The following EBF1 variants were observed in gnomAD, a reference collection of about 807,000 sequenced individuals.
The protein encoded by EBF1 is EBF transcription factor 1, also known as transcription factor COE1.
In EBF1, 10 loss-of-function variants were observed where a neutral mutation model predicts 68.4. The observed-to-expected ratio is 0.15, with a 90% CI of 0.09 to 0.25. The LOEUF (loss-of-function observed/expected upper bound fraction) is 0.25. Among genes scored for constraint, EBF1 ranks in the 10% least tolerant of loss-of-function variants. The pLI, the probability that EBF1 is intolerant of heterozygous loss-of-function variation, is 1.00. For synonymous variants in EBF1, 298 were observed against 299.8 expected, an observed-to-expected ratio of 0.99 and a Z score of 0.06; for missense variants, 509 against 794.4, an observed-to-expected ratio of 0.64 and a Z score of 4.32.
intron 4 of EBF1, among the ~76,000 whole-genome samples, chr5:159,087,302 A>G: frequency 7.0e-6 from 1 of 143,606 alleles, no homozygotes; most frequent in South Asian, 2.2e-4. Flanking sequence ...ACATATATAT[A>G]TACACACACA....
intron 6 of EBF1, among the ~76,000 whole-genome samples, chr5:158,965,140 A>G (rs1170018708): frequency 6.6e-6 from 1 of 152,162 alleles, no homozygotes; most frequent in Non-Finnish European, 1.5e-5. Flanking sequence ...TTGCCTGGGA[A>G]TAAGGGAGAT....
chr5:159,099,380 G>T lies in EBF1; in HGVS notation c.99C>A (p.Gly33=). Residue 33 remains glycine, a synonymous_variant, in exon 1 of 16, where the codon GGC becomes GGA. Coordinates refer to ENST00000313708, the MANE Select transcript of EBF1 (RefSeq NM_024007.5). ...CCGTGTTGGCGTCCAGCACCCCGGC[G>T]CCCTGCATCCACGTCCGCACCGCGT... is the stretch of plus-strand genomic sequence containing the variant. ...GMNAVRTWMQ[G]AGVLDANTAA... The T allele has an allele frequency of 6.3e-7, 1 of 1,596,786 alleles. No individual in the cohort carries two copies.
intron 8 of EBF1, among the ~76,000 whole-genome samples, chr5:158,806,667 T>C (rs1367528124): frequency 6.6e-6 from 1 of 152,204 alleles, no homozygotes; most frequent in Non-Finnish European, 1.5e-5. Context: ...CTTATTGCTA[T>C]GAATGTGCAC....
At chr5:159,065,726 T>C (rs925393744) in intron 6 of EBF1, among the ~76,000 whole-genome samples, 1 of 152,108 alleles carries the variant, frequency 6.6e-6, no homozygotes, top group Non-Finnish European at 1.5e-5. Flanking sequence ...ATATGTATAA[T>C]AGTGACAGTG....
chr5:158,956,903 C>T (rs966874234), intron 6 of EBF1, among the ~76,000 whole-genome samples: 15 of 152,052 alleles, frequency 9.9e-5, no homozygotes, highest in Non-Finnish European at 1.6e-4. Context: ...GGACTACAGG[C>T]GCCTGCCACC....
At chr5:158,790,171 T>C (rs1457989321) in intron 9 of EBF1, among the ~76,000 whole-genome samples, 1 of 152,210 alleles carries the variant, frequency 6.6e-6, no homozygotes, top group African/African-American at 2.4e-5. Context: ...AACTTTGGCT[T>C]CATCCATCTG....
chr5:158,696,893 CTTTG>C lies in EBF1; in HGVS notation c.*2214_*2217del, dbSNP rs745613907. The C allele has an allele frequency of 5.2e-4, 99 of 190,254 alleles. No homozygotes were observed. Among genetic ancestry groups the C allele is most frequent in the Non-Finnish European group, 7.9e-4 (73 of 92,048 alleles). 11.8% of individuals were successfully genotyped at this position (190,254 alleles called of 1,614,324 possible). On this transcript the variant is annotated 3_prime_UTR_variant, in exon 16 of 16. Transcript: ENST00000313708. Reference sequence around the variant, plus strand: ...ACAGTTCTTTTGTGCTTTTCGATTTCTTTGTTTTTTTTTTTTTCTTTTTTTCTTT... The same window carrying C: ...ACAGTTCTTTTGTGCTTTTCGATTTCTTTTTTTTTTTTTCTTTTTTTCTTT...
At chr5:159,078,305 A>G (rs909330923) in intron 5 of EBF1, among the ~76,000 whole-genome samples, 12 of 152,216 alleles carry the variant, frequency 7.9e-5, no homozygotes, top group Non-Finnish European at 1.2e-4. Flanking sequence ...CACTATACAC[A>G]GGAGGAAACC....
chr5:159,075,239 G>A (rs1039511977), intron 5 of EBF1, among the ~76,000 whole-genome samples: 2 of 152,060 alleles, frequency 1.3e-5, no homozygotes, highest in Non-Finnish European at 2.9e-5. Context: ...TTCATGACTA[G>A]CCTCACTAAA....
At chr5:158,909,913 C>T (rs564312027) in intron 6 of EBF1, among the ~76,000 whole-genome samples, 7 of 133,382 alleles carry the variant, frequency 5.2e-5, no homozygotes, top group African/African-American at 8.5e-5. Context: ...GCCGAGATTG[C>T]ACCACTGCAC....
intron 6 of EBF1, among the ~76,000 whole-genome samples, chr5:158,975,648 T>A (rs930072870): frequency 2.6e-5 from 4 of 152,114 alleles, no homozygotes; most frequent in Non-Finnish European, 4.4e-5. Context: ...TGAAGCAAAA[T>A]GTCACAAGCA....
chr5:158,928,715 C>T (rs1365160453), intron 6 of EBF1, among the ~76,000 whole-genome samples: 1 of 152,144 alleles, frequency 6.6e-6, no homozygotes, highest in Admixed American at 6.5e-5. Flanking sequence ...CTCTGAAGCT[C>T]ATTTATTATT....
intron 4 of EBF1, among the ~76,000 whole-genome samples, chr5:159,089,392 C>T (rs1244441620): frequency 6.6e-6 from 1 of 152,100 alleles, no homozygotes; most frequent in Non-Finnish European, 1.5e-5. Flanking sequence ...TGAGTTGCCA[C>T]TGTTTTGAAA....
intron 6 of EBF1, among the ~76,000 whole-genome samples, chr5:158,879,524 G>A (rs1798435257): frequency 6.6e-6 from 1 of 152,198 alleles, no homozygotes; most frequent in Admixed American, 6.5e-5. Context: ...AGGCAATGCT[G>A]AGAAGAATAA....
At chr5:159,070,388 T>G (rs769759047) in intron 6 of EBF1, among the ~76,000 whole-genome samples, 3 of 152,230 alleles carry the variant, frequency 2.0e-5, no homozygotes, top group African/African-American at 4.8e-5. Context: ...GGATGAAGTA[T>G]AATAGAAGCC....
chr5:158,989,215 G>T (rs1374841015), intron 6 of EBF1, among the ~76,000 whole-genome samples: 1 of 152,172 alleles, frequency 6.6e-6, no homozygotes, highest in Non-Finnish European at 1.5e-5. Flanking sequence ...TCTTGTTCCA[G>T]CACGAAACAG....
At chr5:158,797,105 C>T (rs372486777) in intron 8 of EBF1, among the ~76,000 whole-genome samples, 25 of 152,160 alleles carry the variant, frequency 1.6e-4, no homozygotes, top group African/African-American at 5.8e-4. Flanking sequence ...AGTCAGGGCT[C>T]AACCACAGAG....
intron 6 of EBF1, among the ~76,000 whole-genome samples, chr5:158,934,069 G>C (rs575970388): frequency 6.6e-6 from 1 of 152,274 alleles, no homozygotes; most frequent in African/African-American, 2.4e-5. Flanking sequence ...TGGAGCCACA[G>C]GCAGATTTCA....
intron 6 of EBF1, among the ~76,000 whole-genome samples, chr5:158,886,045 G>C (rs1017408983): frequency 6.6e-6 from 1 of 152,208 alleles, no homozygotes; most frequent in African/African-American, 2.4e-5. Flanking sequence ...GCAGTGCTGG[G>C]TGTGAATGGG....
Sources: allele counts gnomAD v4.1 joint callset (sites outside exome capture counted in the v4.1 genomes callset), GRCh38; gene constraint gnomAD v4.1.1; transcripts MANE v1.5; gene names NCBI Gene and HGNC (gene_info 2026-07-23, HGNC 2026-07-21).